Variants in UPF2 observed in about 807,000 individuals in gnomAD.
The protein encoded by UPF2 is UPF2 regulator of nonsense mediated mRNA decay, also known as regulator of nonsense transcripts 2.
Under a neutral mutation model 141.4 loss-of-function variants are expected in UPF2, and 17 were observed. The observed-to-expected ratio is 0.12, with a 90% confidence interval of 0.08 to 0.18. The LOEUF is 0.18. Ranked by LOEUF, UPF2 falls within the 10% of genes least tolerant of loss-of-function variation. The pLI, the probability that UPF2 is intolerant of heterozygous loss-of-function variation, is 1.00. For missense variants in UPF2, 1,152 were observed against 1,515.9 expected, an observed-to-expected ratio of 0.76 and a Z score of 3.99; for synonymous variants, 540 against 498.0, an observed-to-expected ratio of 1.08 and a Z score of -1.12.
chr10:11,930,379 A>G (rs1055354354), intron 20 of UPF2, among the ~76,000 whole-genome samples: 11 of 152,230 alleles, frequency 7.2e-5, no homozygotes, highest in African/African-American at 2.4e-4. Flanking sequence ...GCAGATAACA[A>G]CAACACTTAT....
Position 11,940,206 on chromosome 10 carries a change from G to A in UPF2, c.3378+2459C>T, listed in dbSNP as rs538182389. On this transcript the variant is annotated intron_variant, in intron 18 of 21. Coordinates refer to ENST00000357604, the MANE Select transcript of UPF2 (RefSeq NM_015542.4). This position sits in a 1 kb window ranked among gnomAD's most constrained non-coding sequence, Gnocchi z 4.2. The stretch of plus-strand genomic sequence containing the variant: ...AATGTGAATTCGAACTTCCCTCCTC[G>A]ATTACATCTTCCCATCCTTCCAGCT... Among the ~76,000 whole-genome samples the A allele has an allele frequency of 6.6e-6, 1 of 152,228 alleles. No homozygotes were observed. Among genetic ancestry groups the A allele is most frequent in the South Asian group, 2.1e-4 (1 of 4,824 alleles).
In UPF2 at chr10:11,921,096, C is replaced by T. The variant is rs1304769247; in HGVS notation, c.*202G>A. 1 of 795,426 alleles carries T rather than the reference C, an allele frequency of 1.3e-6. No individual in the cohort carries two copies. The highest frequency in any genetic ancestry group is 2.3e-6 in the Non-Finnish European group (1 of 434,630). 49.3% of individuals were successfully genotyped at this position (795,426 alleles called of 1,614,324 possible). On this transcript the variant is annotated 3_prime_UTR_variant, in exon 22 of 22. Coordinates refer to ENST00000357604, the MANE Select transcript of UPF2 (RefSeq NM_015542.4). The surrounding 1 kb of genome is among the most constrained non-coding windows in gnomAD (Gnocchi z 5.9). ...TTCCATTACAAAAGGCCTTTTCCGC[C>T]TTGTCTGGAAGCGTCGGCTTGTTCC...
At position 11,936,582 on chromosome 10, in the gene UPF2, G is replaced by A. The variant is rs1182992934; in HGVS notation, c.3509C>T (p.Pro1170Leu). ...GCCTTTTCTTGTTAACATGACAAAC[G>A]GCATTGTGTCTGCAGACTCAGCCTC... ...EGEAESADTM[P>L]FVMLTRKGNK... Residue 1170 changes from proline to leucine, a missense_variant, in exon 19 of 22, where the codon CCG (proline) becomes CTG (leucine). Transcript: ENST00000357604. This position sits in a 1 kb window ranked among gnomAD's most constrained non-coding sequence, Gnocchi z 6.6. The A allele has an allele frequency of 1.2e-6, 2 of 1,609,124 alleles. No individual in the cohort carries two copies. Among genetic ancestry groups the A allele is most frequent in the South Asian group, 1.1e-5 (1 of 89,786 alleles).
chr10:12,034,459 A>G (rs755554288), intron 2 of UPF2, among the ~76,000 whole-genome samples: 1 of 151,982 alleles, frequency 6.6e-6, no homozygotes, highest in Non-Finnish European at 1.5e-5. Flanking sequence ...AGTAACTGGG[A>G]CTACAGGCAT....
chr10:12,027,962 G>T (rs953461621), intron 3 of UPF2, among the ~76,000 whole-genome samples: 1 of 152,104 alleles, frequency 6.6e-6, no homozygotes, highest in Non-Finnish European at 1.5e-5. Context: ...ACGTGCTATG[G>T]CTATTACCTC....
At chr10:11,997,639 AAC>A in intron 8 of UPF2, 31 bp downstream of exon 8, 1 of 1,598,618 alleles carries the variant, frequency 6.3e-7, no homozygotes, top group Non-Finnish European at 8.6e-7. Context: ...ACAGAGTAAA[AAC>A]ACTAATAAAT....
intron 8 of UPF2, among the ~76,000 whole-genome samples, chr10:11,985,576 G>C (rs982177631): frequency 2.0e-5 from 3 of 149,474 alleles, no homozygotes; most frequent in African/African-American, 7.4e-5. Flanking sequence ...GGCGGAGCTT[G>C]CGCCACTGCA....
At chr10:11,996,069 C>T (rs1330393363) in intron 8 of UPF2, among the ~76,000 whole-genome samples, 1 of 152,146 alleles carries the variant, frequency 6.6e-6, no homozygotes, top group African/African-American at 2.4e-5. Flanking sequence ...TCTTCCTCTC[C>T]AAAGTGTAAG....
intron 16 of UPF2, among the ~76,000 whole-genome samples, chr10:11,944,301 C>A (rs1832973915): frequency 6.6e-6 from 1 of 152,132 alleles, no homozygotes; most frequent in Non-Finnish European, 1.5e-5. Flanking sequence ...CAAGACCAGC[C>A]TGGCCAACAT....
In UPF2 at chr10:11,921,302, C is replaced by T. The variant is rs1832640681; in HGVS notation, c.3815G>A (p.Arg1272His). 1.9e-6 allele frequency: 3 copies of T among 1,614,142 alleles called. No individual in the cohort carries two copies. Among genetic ancestry groups the T allele is most frequent in the Admixed American group, 1.7e-5 (1 of 60,008 alleles). ...DLIFKTGGRRR is the reference protein window; with the variant it reads ...DLIFKTGGRRH Reference sequence around the variant, plus strand: ...GAAATGACACGTGCTGCTGGATCAACGTCTCCTAAAGGAACAAACAGGGTC... The same window carrying T: ...GAAATGACACGTGCTGCTGGATCAATGTCTCCTAAAGGAACAAACAGGGTC... Residue 1272 changes from arginine to histidine, a missense_variant, in exon 22 of 22, where the codon CGT (arginine) becomes CAT (histidine). Coordinates refer to ENST00000357604, the MANE Select transcript of UPF2 (RefSeq NM_015542.4). This position sits in a 1 kb window ranked among gnomAD's most constrained non-coding sequence, Gnocchi z 5.9.
chr10:12,041,908 G>C (rs1056769722), intron 1 of UPF2, among the ~76,000 whole-genome samples: 1 of 152,116 alleles, frequency 6.6e-6, no homozygotes, highest in African/African-American at 2.4e-5. Context: ...ATGAGCAAGA[G>C]AGCTGAAGGT....
chr10:12,033,001 T>A (rs546143403), intron 2 of UPF2, among the ~76,000 whole-genome samples: 9 of 152,120 alleles, frequency 5.9e-5, no homozygotes, highest in Admixed American at 3.3e-4. Flanking sequence ...AATGCCACCA[T>A]CACCCCCCCA....
At position 11,940,427 on chromosome 10, in the gene UPF2, C is replaced by G. The variant is rs1355383057; in HGVS notation, c.3378+2238G>C. 6.6e-6 allele frequency among the ~76,000 whole-genome samples: 1 copy of G among 152,172 alleles called. No individual in the cohort carries two copies. Among genetic ancestry groups the G allele is most frequent in the Admixed American group, 6.5e-5 (1 of 15,274 alleles). On this transcript the variant is annotated intron_variant, in intron 18 of 21. Coordinates refer to ENST00000357604, the MANE Select transcript of UPF2 (RefSeq NM_015542.4). The surrounding 1 kb of genome is among the most constrained non-coding windows in gnomAD (Gnocchi z 4.2). Reference sequence around the variant, plus strand: ...TTTGTTCCGATGCTTTCAATATACTCTACCCATCACATTTCTGTTTTCACT... The same window carrying G: ...TTTGTTCCGATGCTTTCAATATACTGTACCCATCACATTTCTGTTTTCACT...
intron 3 of UPF2, among the ~76,000 whole-genome samples, chr10:12,022,264 T>C (rs890808389): frequency 1.3e-5 from 2 of 151,712 alleles, no homozygotes; most frequent in Admixed American, 6.6e-5. Flanking sequence ...CACAAAAAAT[T>C]AGCCAGGCGT....
At chr10:11,981,805 C>T (rs1379881720) in intron 8 of UPF2, among the ~76,000 whole-genome samples, 11 of 152,192 alleles carry the variant, frequency 7.2e-5, no homozygotes, top group Admixed American at 7.2e-4. Context: ...TCTGCCTCAG[C>T]CTCCCAAGTA....
rs150075604 is a variant in UPF2 at position 11,999,582 on chromosome 10, C to T, written c.1758+324G>A. On this transcript the variant is annotated intron_variant, in intron 7 of 21. Transcript: ENST00000357604. Reference sequence around the variant, plus strand: ...GTATTATCATCAAAAGAATTTTTGACCTCACAGAACCCCAGGAAGTGCCTC... The same window carrying T: ...GTATTATCATCAAAAGAATTTTTGATCTCACAGAACCCCAGGAAGTGCCTC... Among the ~76,000 whole-genome samples, 230 of 151,046 alleles carry T rather than the reference C, an allele frequency of 1.5e-3. 1 individual carries two copies. Among genetic ancestry groups the T allele is most frequent in the African/African-American group, 5.2e-3 (212 of 41,154 alleles).
At chr10:12,024,173 A>C (rs1050775358) in intron 3 of UPF2, among the ~76,000 whole-genome samples, 2 of 152,112 alleles carry the variant, frequency 1.3e-5, no homozygotes, top group African/African-American at 4.8e-5. Context: ...AACACCTACT[A>C]GATGAGAGGT....
At chr10:12,035,516 A>C in intron 1 of UPF2, 75 bp from the exon 2 acceptor site, 1 of 1,420,006 alleles carries the variant, frequency 7.0e-7, no homozygotes, top group Non-Finnish European at 9.2e-7. Context: ...TTTTTTAAAC[A>C]GAACATATTA....
At chr10:11,977,754 G>T (rs1833530111) in intron 9 of UPF2, among the ~76,000 whole-genome samples, 1 of 152,124 alleles carries the variant, frequency 6.6e-6, no homozygotes, top group Admixed American at 6.6e-5. Context: ...TCTTTGAGGG[G>T]CTCCATATTC....
Sources: allele counts gnomAD v4.1 joint callset (sites outside exome capture counted in the v4.1 genomes callset), GRCh38; gene constraint gnomAD v4.1.1; non-coding constraint Gnocchi (gnomAD v3.1); transcripts MANE v1.5; gene names NCBI Gene and HGNC (gene_info 2026-07-23, HGNC 2026-07-21).